The following EML1 variants were observed in gnomAD, a reference collection of about 807,000 sequenced individuals.
The protein encoded by EML1 is EMAP like 1, also known as echinoderm microtubule-associated protein-like 1.
Under a neutral mutation model 110.4 loss-of-function variants are expected in EML1, and 27 were observed. The observed-to-expected ratio is 0.24, with a 90% CI of 0.18 to 0.34. The LOEUF (loss-of-function observed/expected upper bound fraction) is 0.34. Ranked by LOEUF, EML1 falls within the 10% of genes least tolerant of loss-of-function variation. The pLI, the probability that EML1 is intolerant of heterozygous loss-of-function variation, is 1.00. For missense variants in EML1, 741 were observed against 1,030.9 expected, an observed-to-expected ratio of 0.72 and a Z score of 3.85; for synonymous variants, 344 against 385.8, an observed-to-expected ratio of 0.89 and a Z score of 1.27.
chr14:99,923,400 C>A (rs1320421085), intron 17 of EML1, among the ~76,000 whole-genome samples: 1 of 152,150 alleles, frequency 6.6e-6, no homozygotes, highest in East Asian at 1.9e-4. Flanking sequence ...TGTTTTAGCC[C>A]TTGCATTCGA....
chr14:99,754,646 T>C (rs1334420674), intron 1 of EML1, among the ~76,000 whole-genome samples: 1 of 152,200 alleles, frequency 6.6e-6, no homozygotes. Flanking sequence ...CGAGTTTTGT[T>C]TTGAGGACAA....
At chr14:99,892,144 C>T in intron 5 of EML1, 1 of 985,434 alleles carries the variant, frequency 1.0e-6, no homozygotes, top group Non-Finnish European at 1.2e-6. Context: ...TCTAGCCCTT[C>T]TGTCTCTGTC....
At chr14:99,828,359 T>C (rs565478971) in intron 1 of EML1, among the ~76,000 whole-genome samples, 2 of 152,180 alleles carry the variant, frequency 1.3e-5, no homozygotes, top group African/African-American at 4.8e-5. Flanking sequence ...GCACCCACAC[T>C]GTAGACGCCC....
Position 99,936,105 on chromosome 14 carries a change from C to T in EML1, c.1986C>T (p.Tyr662=). 6.2e-7 allele frequency: 1 copy of T among 1,614,128 alleles called. No homozygotes were observed. The highest frequency in any genetic ancestry group is 8.5e-7 in the Non-Finnish European group (1 of 1,180,044). ...IYGVSDNGRK[Y]TRVGKCSGHS... Reference sequence around the variant, plus strand: ...GCGTTAGTGACAACGGGAGGAAGTACACGCGAGTGGGCAAGTGCTCGGTAA... The same window carrying T: ...GCGTTAGTGACAACGGGAGGAAGTATACGCGAGTGGGCAAGTGCTCGGTAA... The change falls in exon 18 of 22, where the codon TAC becomes TAT. Residue 662 remains tyrosine, a synonymous_variant. Coordinates refer to ENST00000262233, the MANE Select transcript of EML1 (RefSeq NM_004434.3). This position sits in a 1 kb window ranked among gnomAD's most constrained non-coding sequence, Gnocchi z 5.5.
chr14:99,782,160 A>C (rs1595273598), intron 1 of EML1, among the ~76,000 whole-genome samples: 1 of 145,988 alleles, frequency 6.8e-6, no homozygotes, highest in Non-Finnish European at 1.5e-5. Context: ...CAACCCCTCC[A>C]CCCCCACCAC....
intron 1 of EML1, among the ~76,000 whole-genome samples, chr14:99,759,411 G>T (rs1266882627): frequency 2.0e-5 from 3 of 152,334 alleles, no homozygotes; most frequent in African/African-American, 7.2e-5. Context: ...ATCTCTGATG[G>T]TTCTCTGACC....
chr14:99,897,224 G>A lies in EML1; in HGVS notation c.757G>A (p.Val253Met), dbSNP rs201716032. 47 of 1,613,124 alleles carry A rather than the reference G, an allele frequency of 2.9e-5. No homozygotes were observed. The East Asian group carries it at 7.8e-4, about 27-fold the overall frequency. ...AGAGACCGTCTACTTCATCGCATCC[G>A]TGGTGGTGTTATACAACGTGGAGGA... ...TGETVYFIAS[V>M]VVLYNVEEQL... The change falls in exon 7 of 22, where the codon GTG becomes ATG. Residue 253 changes from valine (V) to methionine (M), a missense_variant. Physicochemically the swap from Val to Met is conservative, Grantham distance 21 (BLOSUM62 1). Coordinates refer to ENST00000262233, the MANE Select transcript of EML1 (RefSeq NM_004434.3).
intron 1 of EML1, among the ~76,000 whole-genome samples, chr14:99,751,279 C>A (rs1335785187): frequency 1.3e-5 from 2 of 151,942 alleles, no homozygotes; most frequent in Admixed American, 6.6e-5. Flanking sequence ...GGCAGGGCAG[C>A]CTTCCTGGAG....
At chr14:99,759,580 C>A (rs1457060395) in intron 1 of EML1, among the ~76,000 whole-genome samples, 1 of 152,216 alleles carries the variant, frequency 6.6e-6, no homozygotes, top group African/African-American at 2.4e-5. Flanking sequence ...TCCTTTCATC[C>A]TCCTGACAGC....
Position 99,812,719 on chromosome 14 carries a change from G to C in EML1, c.67+19176G>C, listed in dbSNP as rs142776217. On this transcript the variant is annotated intron_variant, in intron 1 of 21. Coordinates refer to ENST00000262233, the MANE Select transcript of EML1 (RefSeq NM_004434.3). ...TCTGCAGGGTTGCAGAAAGTTTCAG[G>C]GGTCAAGGAAATAATAAACACCTTT... Among the ~76,000 whole-genome samples, 4 of 152,224 alleles carry C rather than the reference G, an allele frequency of 2.6e-5. No homozygotes were observed. The East Asian group carries it at 5.8e-4, about 22-fold the overall frequency.
intron 1 of EML1, among the ~76,000 whole-genome samples, chr14:99,757,367 A>G (rs188943072): frequency 1.5e-4 from 23 of 152,226 alleles, no homozygotes; most frequent in African/African-American, 5.3e-4. Context: ...ATTGTTAAAA[A>G]TTTCAAGACT....
chr14:99,741,337 G>A (rs2057039677), intron 1 of EML1, among the ~76,000 whole-genome samples: 1 of 152,140 alleles, frequency 6.6e-6, no homozygotes, highest in African/African-American at 2.4e-5. Flanking sequence ...TGCCCTTGCT[G>A]GTGCGTTTTG....
At chr14:99,792,615 A>G (rs1408418127), upstream of EML1, 6 of 152,240 alleles carry the variant, frequency 3.9e-5, no homozygotes, top group African/African-American at 1.4e-4. Context: ...TTAGTCCTGT[A>G]GCAAGTTAAC....
intron 1 of EML1, among the ~76,000 whole-genome samples, chr14:99,788,016 T>C (rs533696025): frequency 6.6e-6 from 1 of 152,318 alleles, no homozygotes; most frequent in South Asian, 2.1e-4. Context: ...AACTTTTCTC[T>C]GCTCTTAGAG....
At chr14:99,769,938 T>G (rs2057405487), upstream of EML1, among the ~76,000 whole-genome samples, 1 of 152,150 alleles carries the variant, frequency 6.6e-6, no homozygotes, top group South Asian at 2.1e-4. Context: ...TCCCTACCAG[T>G]CCCTTCTGTC....
chr14:99,910,365 C>T (rs778699757), intron 12 of EML1, 24 bp downstream of exon 12: 43 of 1,573,710 alleles, frequency 2.7e-5, no homozygotes. Flanking sequence ...GTTCCCAAAA[C>T]CAATGGTTTT....
In EML1 at chr14:99,939,446, T is replaced by A; in HGVS notation, c.2322+119T>A. On this transcript the variant is annotated intron_variant, in intron 21 of 21. Transcript: ENST00000262233. The surrounding 1 kb of genome is among the most constrained non-coding windows in gnomAD (Gnocchi z 4.2). ...GACTGCTGCCAGCCACAAAGGCAGA[T>A]GTGACTCTGTTCTTTGCGCCCTGAG... 1 of 1,487,972 alleles carries A rather than the reference T, an allele frequency of 6.7e-7. No individual in the cohort carries two copies. The highest frequency in any genetic ancestry group is 9.1e-7 in the Non-Finnish European group (1 of 1,100,728). 92.2% of individuals were successfully genotyped at this position (1,487,972 alleles called of 1,614,324 possible).
At chr14:99,828,293 C>A (rs2058393267) in intron 1 of EML1, among the ~76,000 whole-genome samples, 1 of 152,056 alleles carries the variant, frequency 6.6e-6, no homozygotes, top group South Asian at 2.1e-4. Context: ...AATTGTATGC[C>A]ATTCTGAGTG....
intron 17 of EML1, among the ~76,000 whole-genome samples, chr14:99,924,180 G>GT (rs55972281): frequency 0.32 from 48,134 of 151,788 alleles, 8,006 homozygotes; most frequent in Non-Finnish European, 0.36. Context: ...CAAAATAAGT[G>GT]TTTTTTTTAT....
Sources: gnomAD v4.1 joint callset for allele counts (sites outside exome capture counted in the v4.1 genomes callset) on GRCh38, gnomAD v4.1.1 for gene constraint, Gnocchi (gnomAD v3.1) non-coding constraint, MANE v1.5 for transcripts, NCBI Gene and HGNC (gene_info 2026-07-23, HGNC 2026-07-21) for gene names.